Variants in ALKBH5 observed in about 807,000 individuals in gnomAD.
ALKBH5 encodes alkB homolog 5, RNA demethylase, also known as RNA demethylase ALKBH5.
Under a neutral mutation model 32.1 loss-of-function variants are expected in ALKBH5, and 2 were observed. The observed-to-expected ratio is 0.06, with a 90% CI of 0.03 to 0.20. The LOEUF (loss-of-function observed/expected upper bound fraction) is 0.20, where lower values mean the gene tolerates loss of function less well. ALKBH5 is among the 10% of genes least tolerant of loss of function. The pLI, the probability that ALKBH5 is intolerant of heterozygous loss-of-function variation, is 1.00. For synonymous variants in ALKBH5, 300 were observed against 231.7 expected (o/e 1.29, Z -2.68); for missense variants, 352 against 559.5 (o/e 0.63, Z 3.74).
At chr17:18,207,498 T>TA (rs1162594256) in intron 3 of ALKBH5, among the ~76,000 whole-genome samples, 2 of 151,878 alleles carry the variant, frequency 1.3e-5, no homozygotes, top group African/African-American at 2.4e-5. Flanking sequence ...CCGTCTCTAC[T>TA]AAAAAATACA....
intron 2 of ALKBH5, among the ~76,000 whole-genome samples, chr17:18,201,355 A>T (rs769577585): frequency 5.3e-5 from 8 of 152,226 alleles, no homozygotes; most frequent in Non-Finnish European, 7.3e-5. Flanking sequence ...CAGGAAGGTG[A>T]CAAACTTGGG....
chr17:18,206,113 C>T (rs1006874579), intron 2 of ALKBH5, among the ~76,000 whole-genome samples: 1 of 152,182 alleles, frequency 6.6e-6, no homozygotes, highest in Non-Finnish European at 1.5e-5. Flanking sequence ...GCTTCTCCAT[C>T]CCCCTCTTCC....
At chr17:18,195,103 A>G (rs1394363926) in intron 2 of ALKBH5, 68 bp downstream of exon 2, 7 of 1,379,200 alleles carry the variant, frequency 5.1e-6, no homozygotes, top group Middle Eastern at 2.4e-4. Flanking sequence ...CTCTGGGTCC[A>G]CTTAGAACTC....
intron 2 of ALKBH5, among the ~76,000 whole-genome samples, chr17:18,196,057 A>G (rs1362667746): frequency 1.3e-5 from 2 of 152,130 alleles, no homozygotes; most frequent in African/African-American, 4.8e-5. Flanking sequence ...TTTTATTGGT[A>G]TGACTAAAGT....
intron 1 of ALKBH5, among the ~76,000 whole-genome samples, chr17:18,186,710 G>A (rs781661697): frequency 6.6e-6 from 1 of 152,192 alleles, no homozygotes; most frequent in Non-Finnish European, 1.5e-5. Flanking sequence ...CCTCAGAATA[G>A]TAAAGTCCTA....
rs762719902 is a variant in ALKBH5, at chr17:18,194,943, G to GT, written c.771-9dup. 3 of 1,613,516 alleles carry GT rather than the reference G, an allele frequency of 1.9e-6. No homozygotes were observed. The highest frequency in any genetic ancestry group is 2.5e-6 in the Non-Finnish European group (3 of 1,179,730). On this transcript the variant is annotated splice_polypyrimidine_tract_variant and intron_variant, in intron 1 of 3. Coordinates refer to ENST00000399138, the MANE Select transcript of ALKBH5 (RefSeq NM_017758.4). ...TACTCTTCATGGTCACATGTTCTGT[G>GT]TTTCTTTTCAGTGGATATGCTGCTG...
chr17:18,196,310 C>T (rs1160644493), intron 2 of ALKBH5, among the ~76,000 whole-genome samples: 2 of 151,794 alleles, frequency 1.3e-5, no homozygotes, highest in Non-Finnish European at 2.9e-5. Flanking sequence ...GCAACCTCTG[C>T]GTCCCAGGTT....
At chr17:18,186,049 G>A (rs915855564) in intron 1 of ALKBH5, among the ~76,000 whole-genome samples, 3 of 152,186 alleles carry the variant, frequency 2.0e-5, no homozygotes, top group Admixed American at 1.3e-4. Context: ...AAAGTCATGA[G>A]GAGAAGCAGG....
At chr17:18,192,635 G>C (rs536728743) in intron 1 of ALKBH5, among the ~76,000 whole-genome samples, 1 of 152,250 alleles carries the variant, frequency 6.6e-6, no homozygotes, top group African/African-American at 2.4e-5. Flanking sequence ...TTTGAACCCA[G>C]GTCTCTTCAA....
At chr17:18,198,531 T>G (rs907596985) in intron 2 of ALKBH5, among the ~76,000 whole-genome samples, 1 of 152,048 alleles carries the variant, frequency 6.6e-6, no homozygotes, top group Non-Finnish European at 1.5e-5. Context: ...TGTCTTCTGG[T>G]GAGGTTGTGT....
Position 18,184,191 on chromosome 17 carries a change from T to A in ALKBH5, c.-53T>A. 7.0e-7 allele frequency: 1 copy of A among 1,428,090 alleles called. No individual in the cohort carries two copies. Among genetic ancestry groups the A allele is most frequent in the Non-Finnish European group, 9.2e-7 (1 of 1,085,984 alleles). The allele number at this position is 1,428,090 out of a possible 1,614,324, so 88.5% of individuals were successfully genotyped here. On this transcript the variant is annotated 5_prime_UTR_variant, in exon 1 of 4. An upstream start codon of the reference 5' UTR is lost. Coordinates refer to ENST00000399138, the MANE Select transcript of ALKBH5 (RefSeq NM_017758.4). Reference sequence around the variant, plus strand: ...CCCGGGGCGCGTCCCCTTAGAGCCATGCCCGGCTGCCCCGCCCGCCCCGGA... The same window carrying A: ...CCCGGGGCGCGTCCCCTTAGAGCCAAGCCCGGCTGCCCCGCCCGCCCCGGA...
Position 18,208,542 on chromosome 17 carries a change from T to A in ALKBH5, c.*146T>A. 1 of 981,038 alleles carries A rather than the reference T, an allele frequency of 1.0e-6. No homozygotes were observed. Among genetic ancestry groups the A allele is most frequent in the Non-Finnish European group, 1.6e-6 (1 of 644,996 alleles). 60.8% of individuals were successfully genotyped at this position (981,038 alleles called of 1,614,324 possible). On this transcript the variant is annotated 3_prime_UTR_variant, in exon 4 of 4. Coordinates refer to ENST00000399138, the MANE Select transcript of ALKBH5 (RefSeq NM_017758.4). ...GATTCTATATATTTTTCCTTGGTTT[T>A]GTTGCCTGTTAGGGCTGAAGAATAG...
At position 18,184,396 on chromosome 17, in the gene ALKBH5, C is replaced by T. The variant is rs776457581; in HGVS notation, c.153C>T (p.Tyr51=). 50 of 1,561,488 alleles carry T rather than the reference C, an allele frequency of 3.2e-5. No individual in the cohort carries two copies. The highest frequency in any genetic ancestry group is 6.8e-5 in the African/African-American group (5 of 73,508). Residue 51 remains tyrosine, a synonymous_variant, in exon 1 of 4, where the codon TAC becomes TAT. Coordinates refer to ENST00000399138, the MANE Select transcript of ALKBH5 (RefSeq NM_017758.4). ...CAGCCGCCGCTGCCGCCGAACCTTA[C>T]CCTGTGTCCGGGGCCAAGCGCAAGT... ...AAAAAAAAEP[Y]PVSGAKRKYQ...
intron 3 of ALKBH5, among the ~76,000 whole-genome samples, chr17:18,207,849 G>A (rs1035807480): frequency 6.6e-6 from 1 of 152,078 alleles, no homozygotes; most frequent in Admixed American, 6.5e-5. Context: ...AGTGGAGAAG[G>A]GGGTGTTGGG....
At position 18,199,183 on chromosome 17, in the gene ALKBH5, G is replaced by A. The variant is rs76416869; in HGVS notation, c.851+4148G>A. On this transcript the variant is annotated intron_variant, in intron 2 of 3. Transcript: ENST00000399138. ...GTGAGGCAGCAGCTACAGGCTAGTC[G>A]GCTCTTTGAGGTGCCTCAGCACCCC... Among the ~76,000 whole-genome samples, 124 of 152,296 alleles carry A rather than the reference G, an allele frequency of 8.1e-4. 6 individuals are homozygous for A. The East Asian group carries it at 0.024, about 29-fold the overall frequency.
At chr17:18,200,466 A>G (rs1210682828) in intron 2 of ALKBH5, among the ~76,000 whole-genome samples, 1 of 152,172 alleles carries the variant, frequency 6.6e-6, no homozygotes, top group African/African-American at 2.4e-5. Flanking sequence ...AGCAGTATAT[A>G]TAGCCCATTT....
intron 3 of ALKBH5, among the ~76,000 whole-genome samples, chr17:18,207,344 T>A (rs2047274754): frequency 6.6e-6 from 1 of 150,630 alleles, no homozygotes; most frequent in African/African-American, 2.4e-5. Context: ...AAAAGGTATT[T>A]GAGGAGATAA....
At chr17:18,204,857 A>G (rs1267285316) in intron 2 of ALKBH5, among the ~76,000 whole-genome samples, 4 of 152,128 alleles carry the variant, frequency 2.6e-5, no homozygotes, top group Non-Finnish European at 5.9e-5. Flanking sequence ...TAGAAGAGTT[A>G]GAGACCAGCC....
At chr17:18,195,275 T>C (rs900594098) in intron 2 of ALKBH5, among the ~76,000 whole-genome samples, 1 of 152,220 alleles carries the variant, frequency 6.6e-6, no homozygotes, top group Non-Finnish European at 1.5e-5. Context: ...CGCCCAATAT[T>C]TGTGGGTATA....
Sources: gnomAD v4.1 joint callset for allele counts (sites outside exome capture counted in the v4.1 genomes callset) on GRCh38, gnomAD v4.1.1 for gene constraint, MANE v1.5 for transcripts, NCBI Gene and HGNC (gene_info 2026-07-23, HGNC 2026-07-21) for gene names.